DOCK3: variants seen among roughly 807,000 people sequenced by gnomAD.
The protein encoded by DOCK3 is dedicator of cytokinesis 3.
In DOCK3, 60 loss-of-function variants were observed where a neutral mutation model predicts 265.6. That is an observed-to-expected ratio of 0.23 (90% CI 0.18 to 0.28). The LOEUF is 0.28. DOCK3 is among the 10% of genes least tolerant of loss of function. The pLI, the probability that DOCK3 is intolerant of heterozygous loss-of-function variation, is 1.00. For synonymous variants in DOCK3, 881 were observed against 938.0 expected (o/e 0.94, Z 1.11); for missense variants, 1,981 against 2,594.3 (o/e 0.76, Z 5.14).
rs547213525 is a variant in DOCK3, at chr3:51,347,263, A to G, written c.3916-1589A>G. 1.2e-3 allele frequency among the ~76,000 whole-genome samples: 176 copies of G among 152,256 alleles called. 1 individual carries two copies. Among genetic ancestry groups the G allele is most frequent in the African/African-American group, 4.0e-3 (168 of 41,536 alleles). ...GCCTAGGTTTTCTTCTAGGGTTTTT[A>G]TGGTTTTAGGCTAACATTTAAGTCT... On this transcript the variant is annotated intron_variant, in intron 38 of 52. Coordinates refer to ENST00000266037, the MANE Select transcript of DOCK3 (RefSeq NM_004947.5).
intron 5 of DOCK3, among the ~76,000 whole-genome samples, chr3:50,940,922 A>G: frequency 6.6e-6 from 1 of 152,208 alleles, no homozygotes; most frequent in East Asian, 1.9e-4. Flanking sequence ...TTTTTATAAA[A>G]AGTTAACTCA....
intron 1 of DOCK3, among the ~76,000 whole-genome samples, chr3:50,685,126 C>T (rs1228333927): frequency 1.3e-5 from 2 of 151,916 alleles, no homozygotes; most frequent in Non-Finnish European, 2.9e-5. Context: ...ATCTATTATA[C>T]TTTGAACATG....
chr3:51,078,188 GA>G (rs1187352035), intron 7 of DOCK3, among the ~76,000 whole-genome samples: 4 of 152,016 alleles, frequency 2.6e-5, no homozygotes, highest in Admixed American at 6.6e-5. Flanking sequence ...GAGAAATTAG[GA>G]AACAATTAGG....
chr3:51,191,620 T>C (rs1428671275), intron 12 of DOCK3, among the ~76,000 whole-genome samples: 2 of 152,136 alleles, frequency 1.3e-5, no homozygotes, highest in East Asian at 3.9e-4. Flanking sequence ...TGCCTCATGA[T>C]ATAATTTGCA....
At chr3:51,313,950 C>T (rs1266760357) in intron 31 of DOCK3, among the ~76,000 whole-genome samples, 1 of 152,152 alleles carries the variant, frequency 6.6e-6, no homozygotes, top group Admixed American at 6.5e-5. Flanking sequence ...CAGGGCTAAA[C>T]ATTTGCTTCT....
At position 51,355,037 on chromosome 3, in the gene DOCK3, C is replaced by T. The variant is rs770741526; in HGVS notation, c.4249+14C>T. 1.2e-6 allele frequency: 2 copies of T among 1,611,660 alleles called. No homozygotes were observed. Among genetic ancestry groups the T allele is most frequent in the South Asian group, 2.2e-5 (2 of 90,960 alleles). On this transcript the variant is annotated intron_variant, in intron 41 of 52. Transcript: ENST00000266037. ...GCGATGCCCAGTGTATCCTTTGATA[C>T]TGGGTGGGAGGAGGAGGGCAGGGGC...
intron 5 of DOCK3, among the ~76,000 whole-genome samples, chr3:51,059,830 A>G (rs527656851): frequency 2.6e-5 from 4 of 151,934 alleles, no homozygotes; most frequent in Non-Finnish European, 5.9e-5. Flanking sequence ...ACCTAAATCA[A>G]ACCCTCCCCT....
intron 9 of DOCK3, among the ~76,000 whole-genome samples, chr3:51,124,041 A>G (rs1010235570): frequency 6.6e-6 from 1 of 152,082 alleles, no homozygotes; most frequent in African/African-American, 2.4e-5. Context: ...TTTAGATGTC[A>G]AGTTTCCTCT....
At chr3:51,225,913 A>T in intron 15 of DOCK3, 140 bp downstream of exon 15, 1 of 1,164,068 alleles carries the variant, frequency 8.6e-7, no homozygotes, top group Non-Finnish European at 1.2e-6. Flanking sequence ...TCTTTCTTGA[A>T]GAAAACTCTA....
At chr3:50,916,185 A>T (rs2050111544) in intron 4 of DOCK3, among the ~76,000 whole-genome samples, 1 of 152,014 alleles carries the variant, frequency 6.6e-6, no homozygotes, top group East Asian at 1.9e-4. Flanking sequence ...AGTTCCTATG[A>T]GGACTGCATT....
At chr3:50,838,749 ATATTT>A (rs2045656901) in intron 2 of DOCK3, among the ~76,000 whole-genome samples, 1 of 152,170 alleles carries the variant, frequency 6.6e-6, no homozygotes, top group Non-Finnish European at 1.5e-5. Flanking sequence ...GATTTGGGAG[ATATTT>A]TAGTTGTTTC....
intron 12 of DOCK3, among the ~76,000 whole-genome samples, chr3:51,187,751 CT>C (rs1222615450): frequency 0.082 from 9,141 of 112,090 alleles, 385 homozygotes; most frequent in East Asian, 0.28. Flanking sequence ...TCTGCACAAG[CT>C]TTTTTTTTTT....
intron 3 of DOCK3, among the ~76,000 whole-genome samples, chr3:50,880,304 C>CA (rs1187407478): frequency 1.3e-5 from 2 of 151,474 alleles, no homozygotes; most frequent in Non-Finnish European, 1.5e-5. Flanking sequence ...GATAGAGACA[C>CA]AAAAAACCCT....
intron 1 of DOCK3, among the ~76,000 whole-genome samples, chr3:50,686,791 C>T (rs576110697): frequency 6.6e-6 from 1 of 151,096 alleles, no homozygotes; most frequent in South Asian, 2.1e-4. Context: ...CACCTATAAT[C>T]CCAGCTACTG....
rs1419891669 is a variant in DOCK3 at position 51,361,144 on chromosome 3, G to A, written c.5006+512G>A. On this transcript the variant is annotated intron_variant, in intron 47 of 52. Coordinates refer to ENST00000266037, the MANE Select transcript of DOCK3 (RefSeq NM_004947.5). This position sits in a 1 kb window ranked among gnomAD's most constrained non-coding sequence, Gnocchi z 4.2. Reference sequence around the variant, plus strand: ...TAAGGAAGAAACAGCATAGTGATGTGAACATCAAAGACTGGTTTGCCTGGG... The same window carrying A: ...TAAGGAAGAAACAGCATAGTGATGTAAACATCAAAGACTGGTTTGCCTGGG... Among the ~76,000 whole-genome samples the A allele has an allele frequency of 6.6e-6, 1 of 152,210 alleles. No homozygotes were observed.
At chr3:51,253,324 C>T (rs995082020) in intron 22 of DOCK3, among the ~76,000 whole-genome samples, 2 of 151,852 alleles carry the variant, frequency 1.3e-5, no homozygotes, top group African/African-American at 4.8e-5. Flanking sequence ...CTAAAATTCT[C>T]TTTTTTTTGT....
intron 23 of DOCK3, among the ~76,000 whole-genome samples, chr3:51,269,677 T>A (rs1158682235): frequency 6.6e-6 from 1 of 152,192 alleles, no homozygotes; most frequent in Non-Finnish European, 1.5e-5. Flanking sequence ...TGTCTCAAGA[T>A]GGCACTCCAT....
intron 5 of DOCK3, among the ~76,000 whole-genome samples, chr3:51,053,078 G>GATAGATATATATATAT (rs1345393303): frequency 6.8e-5 from 3 of 43,810 alleles, no homozygotes; most frequent in Non-Finnish European, 1.3e-4. Context: ...AAAAGTCAAA[G>GATAGATATATATATAT]ATATATATAT....
intron 32 of DOCK3, among the ~76,000 whole-genome samples, chr3:51,326,944 G>A (rs528778507): frequency 6.6e-6 from 1 of 151,890 alleles, no homozygotes; most frequent in South Asian, 2.1e-4. Flanking sequence ...AGCAACTCAG[G>A]TTCATTCCAA....
Sources: gnomAD v4.1 joint callset for allele counts (sites outside exome capture counted in the v4.1 genomes callset) on GRCh38, gnomAD v4.1.1 for gene constraint, Gnocchi (gnomAD v3.1) non-coding constraint, MANE v1.5 for transcripts, NCBI Gene and HGNC (gene_info 2026-07-23, HGNC 2026-07-21) for gene names.